AFF4: variants seen among roughly 807,000 people sequenced by gnomAD.
AFF4 encodes ALF transcription elongation factor 4.
Under a neutral mutation model 124.8 loss-of-function variants are expected in AFF4, and 13 were observed. That is an observed-to-expected ratio of 0.10 (90% confidence interval 0.07 to 0.17). The LOEUF is 0.17. AFF4 is among the 10% of genes least tolerant of loss of function. The pLI is 1.00. For missense variants in AFF4, 1,092 were observed against 1,403.8 expected, an observed-to-expected ratio of 0.78 and a Z score of 3.55; for synonymous variants, 477 against 496.1, an observed-to-expected ratio of 0.96 and a Z score of 0.51.
At chr5:132,938,297 G>C (rs961421545) in intron 1 of AFF4, among the ~76,000 whole-genome samples, 6 of 147,488 alleles carry the variant, frequency 4.1e-5, no homozygotes. Context: ...ACAGAGTCTT[G>C]CTCTATCATC....
intron 5 of AFF4, among the ~76,000 whole-genome samples, chr5:132,921,240 C>A (rs1369562539): frequency 6.6e-6 from 1 of 151,762 alleles, no homozygotes; most frequent in Non-Finnish European, 1.5e-5. Context: ...AAGCAAATGG[C>A]AAATCAGTAC....
In AFF4 at chr5:132,936,944, GA is replaced by G. The variant is rs1004092401; in HGVS notation, c.123+122del. 561 of 1,314,558 alleles carry G rather than the reference GA, an allele frequency of 4.3e-4. 2 individuals are homozygous for G. Among genetic ancestry groups the G allele is most frequent in the Non-Finnish European group, 5.1e-4 (495 of 975,320 alleles). 81.4% of individuals were successfully genotyped at this position (1,314,558 alleles called of 1,614,324 possible). A position where few individuals can be genotyped will look rare whatever the true frequency, so the allele number is the denominator to read the frequency against. On this transcript the variant is annotated intron_variant, in intron 2 of 20. Coordinates refer to ENST00000265343, the MANE Select transcript of AFF4 (RefSeq NM_014423.4). ...AAAATATCTTCTATGTAAAGGACAG[GA>G]AAAAAATGTTAAGTGGTATTCATAG... is the stretch of plus-strand genomic sequence containing the variant.
intron 3 of AFF4, among the ~76,000 whole-genome samples, 159 bp downstream of exon 3, chr5:132,933,988 A>G (rs948214224): frequency 2.0e-5 from 3 of 152,208 alleles, no homozygotes; most frequent in Admixed American, 2.0e-4. Flanking sequence ...TCCACTTGGG[A>G]GTAACTCACA....
intron 16 of AFF4, 126 bp downstream of exon 16, chr5:132,887,720 C>T (rs1760150240): frequency 1.3e-6 from 2 of 1,497,078 alleles, no homozygotes; most frequent in African/African-American, 1.4e-5. Flanking sequence ...GAAGTATCTA[C>T]TTCTCCTTTA....
At chr5:132,909,021 G>A (rs1361975964) in intron 5 of AFF4, among the ~76,000 whole-genome samples, 1 of 151,280 alleles carries the variant, frequency 6.6e-6, no homozygotes, top group African/African-American at 2.4e-5. Flanking sequence ...CACCCACCTT[G>A]GCCTCTCAAA....
At chr5:132,900,986 C>G (rs949808345) in intron 7 of AFF4, 2 of 985,240 alleles carry the variant, frequency 2.0e-6, no homozygotes, top group African/African-American at 1.7e-5. Context: ...ATATCTGACC[C>G]TAAGTTCAAA....
chr5:132,905,760 C>T (rs934820330), intron 5 of AFF4, among the ~76,000 whole-genome samples: 5 of 152,040 alleles, frequency 3.3e-5, no homozygotes, highest in Non-Finnish European at 7.4e-5. Flanking sequence ...TCTAAATGAC[C>T]TGGGATTTGG....
intron 1 of AFF4, among the ~76,000 whole-genome samples, chr5:132,941,776 C>T (rs182293588): frequency 1.2e-4 from 18 of 151,918 alleles, no homozygotes; most frequent in Admixed American, 6.6e-5. Flanking sequence ...AGGAGGCCAA[C>T]GAGGGCAGAT....
chr5:132,880,884 A>G lies in AFF4; in HGVS notation c.*175T>C, dbSNP rs963472895. Reference sequence around the variant, plus strand: ...AATAATCTTTCACATTGGAAATATTAAAGGGCCAACTGACATGATCGCTTT... The same window carrying G: ...AATAATCTTTCACATTGGAAATATTGAAGGGCCAACTGACATGATCGCTTT... On this transcript the variant is annotated 3_prime_UTR_variant, in exon 21 of 21. Coordinates refer to ENST00000265343, the MANE Select transcript of AFF4 (RefSeq NM_014423.4). 1.6e-6 allele frequency: 1 copy of G among 627,460 alleles called. No homozygotes were observed. Among genetic ancestry groups the G allele is most frequent in the Non-Finnish European group, 2.5e-6 (1 of 405,452 alleles). 38.9% of individuals were successfully genotyped at this position (627,460 alleles called of 1,614,324 possible). A position where few individuals can be genotyped will look rare whatever the true frequency, so the allele number is the denominator to read the frequency against.
At chr5:132,934,995 AAT>A in intron 2 of AFF4, 54 bp from the exon 3 acceptor site, 1 of 1,375,356 alleles carries the variant, frequency 7.3e-7, no homozygotes. Context: ...TCAGAAATAA[AAT>A]ATAATTCTGA....
chr5:132,945,051 A>G (rs1439223031), intron 1 of AFF4: 2 of 197,026 alleles, frequency 1.0e-5, no homozygotes, highest in East Asian at 1.2e-4. Flanking sequence ...GACTAAATGA[A>G]TATCATCCCT....
intron 13 of AFF4, among the ~76,000 whole-genome samples, chr5:132,889,671 G>T (rs1007573786): frequency 6.6e-6 from 1 of 152,212 alleles, no homozygotes; most frequent in African/African-American, 2.4e-5. Flanking sequence ...TCTCAAGGAG[G>T]TTGAGTAACT....
chr5:132,882,515 A>T (rs1415047110), intron 20 of AFF4, among the ~76,000 whole-genome samples: 1 of 152,172 alleles, frequency 6.6e-6, no homozygotes, highest in East Asian at 1.9e-4. Context: ...TTTGGGAAAT[A>T]ATAAACTTTT....
intron 1 of AFF4, among the ~76,000 whole-genome samples, chr5:132,947,979 T>A (rs1761740275): frequency 6.6e-6 from 1 of 152,188 alleles, no homozygotes; most frequent in Non-Finnish European, 1.5e-5. Flanking sequence ...CTTCATCACA[T>A]CCTTATGTAT....
At chr5:132,920,315 G>A (rs2150088214) in intron 5 of AFF4, among the ~76,000 whole-genome samples, 1 of 151,130 alleles carries the variant, frequency 6.6e-6, no homozygotes, top group African/African-American at 2.4e-5. Flanking sequence ...CTCCCAAAGT[G>A]CTGGGATTAC....
intron 6 of AFF4, among the ~76,000 whole-genome samples, chr5:132,903,358 T>C (rs1760598416): frequency 2.6e-5 from 4 of 152,358 alleles, no homozygotes; most frequent in Middle Eastern, 3.4e-3. Context: ...TTAAGATCAC[T>C]GAAGATAAAC....
intron 5 of AFF4, among the ~76,000 whole-genome samples, chr5:132,920,971 C>G (rs571574472): frequency 6.6e-6 from 1 of 151,850 alleles, no homozygotes; most frequent in East Asian, 1.9e-4. Context: ...ACTAAAAATA[C>G]AAAAAATTAG....
At chr5:132,903,298 TAAAG>T (rs1334758230) in intron 6 of AFF4, among the ~76,000 whole-genome samples, 4 of 152,304 alleles carry the variant, frequency 2.6e-5, no homozygotes, top group South Asian at 4.1e-4. Context: ...GATAGACAGA[TAAAG>T]AAAGCATAAC....
intron 9 of AFF4, among the ~76,000 whole-genome samples, chr5:132,898,764 G>A (rs748885406): frequency 1.3e-5 from 2 of 152,204 alleles, no homozygotes; most frequent in African/African-American, 4.8e-5. Context: ...GATTACAGGC[G>A]TGAGCCACCG....
Sources: gnomAD v4.1 joint callset for allele counts (sites outside exome capture counted in the v4.1 genomes callset) on GRCh38, gnomAD v4.1.1 for gene constraint, MANE v1.5 for transcripts, NCBI Gene and HGNC (gene_info 2026-07-23, HGNC 2026-07-21) for gene names.